NUP155: variants seen among roughly 807,000 people sequenced by gnomAD.
NUP155 encodes the protein nuclear pore complex protein Nup155.
A neutral mutation model predicts 180.4 loss-of-function variants in NUP155; 71 were observed. The observed-to-expected ratio is 0.39, with a 90% CI of 0.33 to 0.48. The LOEUF is 0.48. NUP155 is among the 20% of genes least tolerant of loss of function. The pLI is 0.91. For missense variants in NUP155, 1,553 were observed against 1,648.9 expected (o/e 0.94, Z 1.01); for synonymous variants, 582 against 559.5 (o/e 1.04, Z -0.57).
chr5:37,346,398 G>A (rs1746087539), intron 9 of NUP155, among the ~76,000 whole-genome samples: 2 of 152,178 alleles, frequency 1.3e-5, no homozygotes, highest in Admixed American at 6.6e-5. Context: ...CAGGTGGGGT[G>A]CAGTGGCTCA....
Position 37,291,667 on chromosome 5 carries a change from AAAT to A in NUP155, c.*230_*232del. 1 of 391,358 alleles carries A rather than the reference AAAT, an allele frequency of 2.6e-6. No homozygotes were observed. Among genetic ancestry groups the A allele is most frequent in the South Asian group, 3.6e-5 (1 of 27,454 alleles). 24.2% of individuals were successfully genotyped at this position (391,358 alleles called of 1,614,324 possible). On this transcript the variant is annotated 3_prime_UTR_variant, in exon 35 of 35. Transcript: ENST00000231498. ...CTAAATTTTTTTAATCCTTATGTTA[AAAT>A]AATAAATAATCTCATTTCAGTTGTT... is the stretch of plus-strand genomic sequence containing the variant.
chr5:37,328,232 CT>C, intron 17 of NUP155, 125 bp downstream of exon 17: 1 of 780,772 alleles, frequency 1.3e-6, no homozygotes, highest in Non-Finnish European at 2.1e-6. Flanking sequence ...TTGGACAGCG[CT>C]TCTAAAATTA....
At chr5:37,305,279 C>A in intron 25 of NUP155, 69 bp from the exon 26 acceptor site, 1 of 1,395,174 alleles carries the variant, frequency 7.2e-7, no homozygotes, top group Non-Finnish European at 1.0e-6. Flanking sequence ...AGTGTGGTGA[C>A]TCACGCCTGT....
At chr5:37,322,044 G>A (rs929337492) in intron 20 of NUP155, among the ~76,000 whole-genome samples, 2 of 151,808 alleles carry the variant, frequency 1.3e-5, no homozygotes, top group African/African-American at 2.4e-5. Context: ...TAGTAGAGAC[G>A]GGTTTTTCCA....
In NUP155 at chr5:37,348,507, A is replaced by G. The variant is rs1203336898; in HGVS notation, c.993T>C (p.Ala331=). The change falls in exon 9 of 35, where the codon GCT becomes GCC. Residue 331 remains alanine, a splice_region_variant and synonymous_variant. Coordinates refer to ENST00000231498, the MANE Select transcript of NUP155 (RefSeq NM_153485.3). ...NAIVSAAGNI[A]RTIDRSVFKP... is the part of the protein sequence containing the mutation. ...CTTAATAATAAATTACATGTTACCT[A>G]GCAATGTTACCAGCAGCAGAGACAA... The G allele has an allele frequency of 1.3e-6, 2 of 1,583,758 alleles. No homozygotes were observed. Among genetic ancestry groups the G allele is most frequent in the Non-Finnish European group, 1.7e-6 (2 of 1,152,638 alleles).
chr5:37,301,507 T>C lies in NUP155; in HGVS notation c.3491A>G (p.Gln1164Arg), dbSNP rs372218887. 32 of 1,613,758 alleles carry C rather than the reference T, an allele frequency of 2.0e-5. No homozygotes were observed. In the African/African-American group the frequency reaches 4.1e-4, roughly 21 times the overall value. The change falls in exon 30 of 35, where the codon CAG (glutamine) becomes CGG (arginine). Residue 1164 changes from glutamine (Q) to arginine (R), a missense_variant. Transcript: ENST00000231498. ...QLQIQETLQR[Q>R]YSHHSSVQDA... ...CTGTACAGAAGAATGATGGGAATAC[T>C]GCCTTTGTAGTGTCTCCTGTATCTG...
intron 19 of NUP155, among the ~76,000 whole-genome samples, chr5:37,325,485 C>A (rs1450690409): frequency 2.0e-5 from 3 of 151,918 alleles, no homozygotes; most frequent in Non-Finnish European, 2.9e-5. Context: ...AAAGAATAAC[C>A]CGCCAGGCGC....
chr5:37,357,795 C>T (rs1260899642), intron 4 of NUP155, among the ~76,000 whole-genome samples: 3 of 151,990 alleles, frequency 2.0e-5, no homozygotes, highest in Admixed American at 2.0e-4. Flanking sequence ...GGAGTTGAGA[C>T]CAGCCTGGCC....
At position 37,326,057 on chromosome 5, in the gene NUP155, T is replaced by G. The variant is rs1238434803; in HGVS notation, c.2025-90A>C. 3 of 935,860 alleles carry G rather than the reference T, an allele frequency of 3.2e-6. No homozygotes were observed. In the African/African-American group the frequency reaches 4.9e-5, roughly 15 times the overall value. 58.0% of individuals were successfully genotyped at this position (935,860 alleles called of 1,614,324 possible). A position where few individuals can be genotyped will look rare whatever the true frequency, so the allele number is the denominator to read the frequency against. ...TTCTCTAGGAACTTAATGGCTTTAT[T>G]CAGTTTTTAAAACTTGCAGTGGTTT... is the stretch of plus-strand genomic sequence containing the variant. On this transcript the variant is annotated intron_variant, in intron 18 of 34. Coordinates refer to ENST00000231498, the MANE Select transcript of NUP155 (RefSeq NM_153485.3).
chr5:37,331,315 C>T (rs1744947307), intron 14 of NUP155, among the ~76,000 whole-genome samples: 1 of 152,184 alleles, frequency 6.6e-6, no homozygotes, highest in African/African-American at 2.4e-5. Flanking sequence ...GGCTCACGGC[C>T]TGTAATCCCA....
intron 20 of NUP155, among the ~76,000 whole-genome samples, chr5:37,318,533 C>T (rs1744049878): frequency 6.6e-6 from 1 of 151,544 alleles, no homozygotes; most frequent in African/African-American, 2.4e-5. Flanking sequence ...ACGTTTTGCA[C>T]ATCAGCATGA....
intron 10 of NUP155, among the ~76,000 whole-genome samples, chr5:37,341,472 C>T (rs1024268286): frequency 7.2e-5 from 11 of 152,240 alleles, no homozygotes; most frequent in Middle Eastern, 3.2e-3. Flanking sequence ...AGCGATTCTC[C>T]TGCCTTAGCC....
In NUP155 at chr5:37,296,002, A is replaced by AG. The variant is rs1201897130; in HGVS notation, c.3794-1538dup. 1.1e-3 allele frequency among the ~76,000 whole-genome samples: 90 copies of AG among 79,560 alleles called. 1 individual carries two copies. The highest frequency in any genetic ancestry group is 0.01 in the East Asian group (26 of 2,536). The allele number at this position is 79,560 out of a possible 152,430, so 52.2% of individuals were successfully genotyped here. On this transcript the variant is annotated intron_variant, in intron 32 of 34. Transcript: ENST00000231498. ...CCAGCCGCCCCATCCGGGAGGGAGG[A>AG]GGGGGGGGTCAGCCCCCCGCCCGGC...
At chr5:37,366,928 GC>G (rs1747624785) in intron 1 of NUP155, among the ~76,000 whole-genome samples, 1 of 151,978 alleles carries the variant, frequency 6.6e-6, no homozygotes, top group Non-Finnish European at 1.5e-5. Flanking sequence ...GGGATTACAG[GC>G]GTGAGCCACC....
intron 4 of NUP155, 75 bp downstream of exon 4, chr5:37,358,006 G>T: frequency 9.7e-7 from 1 of 1,029,948 alleles, no homozygotes; most frequent in Non-Finnish European, 1.5e-6. Context: ...AAAAATGTGT[G>T]TTGTTGTTCA....
intron 32 of NUP155, among the ~76,000 whole-genome samples, chr5:37,295,441 G>A (rs1377842694): frequency 6.6e-6 from 1 of 151,970 alleles, no homozygotes; most frequent in East Asian, 1.9e-4. Flanking sequence ...CCAAAGTGCC[G>A]AGATTGCAGC....
intron 9 of NUP155, among the ~76,000 whole-genome samples, chr5:37,346,058 G>C (rs1182935794): frequency 1.3e-5 from 2 of 151,204 alleles, no homozygotes; most frequent in African/African-American, 4.9e-5. Flanking sequence ...TTTTTTTCTT[G>C]TCACTGAAGA....
chr5:37,340,183 G>A (rs1210523729), intron 11 of NUP155, among the ~76,000 whole-genome samples: 1 of 152,180 alleles, frequency 6.6e-6, no homozygotes, highest in Non-Finnish European at 1.5e-5. Flanking sequence ...GCTCATGCCT[G>A]TAATCCCAGC....
chr5:37,337,767 C>G, intron 12 of NUP155, 51 bp downstream of exon 12: 1 of 1,099,292 alleles, frequency 9.1e-7, no homozygotes, highest in Non-Finnish European at 1.4e-6. Context: ...CCATATTATC[C>G]TTCACTTAAA....
Sources: gnomAD v4.1 joint callset for allele counts (sites outside exome capture counted in the v4.1 genomes callset) on GRCh38, gnomAD v4.1.1 for gene constraint, MANE v1.5 for transcripts, NCBI Gene and HGNC (gene_info 2026-07-23, HGNC 2026-07-21) for gene names.